TBXAS1: variants seen among roughly 807,000 people sequenced by gnomAD.
TBXAS1 encodes thromboxane A synthase 1, also known as thromboxane-A synthase.
In TBXAS1, 48 loss-of-function variants were observed where a neutral mutation model predicts 60.7. That is an observed-to-expected ratio of 0.79 (90% CI 0.63 to 1.01). TBXAS1 has a LOEUF of 1.01. Among genes scored for constraint, TBXAS1 ranks in the 50% least tolerant of loss-of-function variants. The pLI, the probability that TBXAS1 is intolerant of heterozygous loss-of-function variation, is 0.00. For synonymous variants in TBXAS1, 287 were observed against 269.7 expected, an observed-to-expected ratio of 1.06 and a Z score of -0.63; for missense variants, 685 against 686.3, an observed-to-expected ratio of 1.00 and a Z score of 0.02.
At chr7:139,929,809 C>T (rs1309583447) in intron 4 of TBXAS1, among the ~76,000 whole-genome samples, 2 of 152,152 alleles carry the variant, frequency 1.3e-5, no homozygotes, top group Non-Finnish European at 2.9e-5. Flanking sequence ...GCTCCCTGGC[C>T]TGAGCCTCCA....
At chr7:139,861,778 C>A (rs1800985326) in intron 1 of TBXAS1, among the ~76,000 whole-genome samples, 1 of 152,162 alleles carries the variant, frequency 6.6e-6, no homozygotes, top group Non-Finnish European at 1.5e-5. Flanking sequence ...TTTTATGGAG[C>A]AAATTGTCCA....
At position 139,961,968 on chromosome 7, in the gene TBXAS1, G is replaced by A; in HGVS notation, c.869G>A (p.Ser290Asn). The change falls in exon 9 of 13, where the codon AGT becomes AAT. Residue 290 changes from serine (S) to asparagine (N), a missense_variant. Transcript: ENST00000448866. The stretch of plus-strand genomic sequence containing the variant: ...GTCCTGGATGCCCGACATTCTGCAA[G>A]TCCCATGGGCGTGCAAGACTTTGAC... ...QMVLDARHSA[S>N]PMGVQDFDIV... is the part of the protein sequence containing the mutation. 1 of 1,614,254 alleles carries A rather than the reference G, an allele frequency of 6.2e-7. No individual in the cohort carries two copies. The highest frequency in any genetic ancestry group is 8.5e-7 in the Non-Finnish European group (1 of 1,180,044).
chr7:140,015,624 C>G, intron 10 of TBXAS1, 99 bp from the exon 11 acceptor site: 1 of 1,390,070 alleles, frequency 7.2e-7, no homozygotes, highest in Non-Finnish European at 1.0e-6. Context: ...CTGCCTGCCC[C>G]TGATCCCCTT....
At chr7:139,941,851 T>G (rs1808316144) in intron 5 of TBXAS1, among the ~76,000 whole-genome samples, 1 of 152,244 alleles carries the variant, frequency 6.6e-6, no homozygotes, top group Admixed American at 6.5e-5. Context: ...AAACTGGGGC[T>G]AAATTAGTAC....
chr7:139,922,786 C>G (rs1806581107), intron 4 of TBXAS1, among the ~76,000 whole-genome samples: 1 of 152,140 alleles, frequency 6.6e-6, no homozygotes, highest in Non-Finnish European at 1.5e-5. Context: ...CTCCAGTTAA[C>G]TTTTGTGTAT....
At chr7:139,832,391 A>G (rs1798765989) in intron 1 of TBXAS1, among the ~76,000 whole-genome samples, 1 of 146,558 alleles carries the variant, frequency 6.8e-6, no homozygotes, top group Admixed American at 6.8e-5. Context: ...CTTTGAATTA[A>G]CTGAATCCAA....
At chr7:139,997,871 CAGA>C (rs1813402027) in intron 9 of TBXAS1, among the ~76,000 whole-genome samples, 2 of 152,198 alleles carry the variant, frequency 1.3e-5, no homozygotes, top group Non-Finnish European at 2.9e-5. Flanking sequence ...GTGCCATGCC[CAGA>C]TGTACACCCA....
chr7:139,800,970 T>C (rs1036881225), intron 4 of TBXAS1, among the ~76,000 whole-genome samples: 2 of 152,238 alleles, frequency 1.3e-5, no homozygotes, highest in African/African-American at 4.8e-5. Context: ...CTTCCCTGTA[T>C]TCAGTGTCTC....
intron 5 of TBXAS1, among the ~76,000 whole-genome samples, chr7:139,951,771 T>TAA (rs1274181886): frequency 1.8e-4 from 14 of 78,892 alleles, no homozygotes; most frequent in African/African-American, 7.4e-4. Flanking sequence ...AGACTCTGTC[T>TAA]AAAAAAAAAA....
At chr7:139,820,236 T>G (rs946771053) in intron 4 of TBXAS1, among the ~76,000 whole-genome samples, 1 of 152,032 alleles carries the variant, frequency 6.6e-6, no homozygotes, top group Non-Finnish European at 1.5e-5. Context: ...GTCATCAACA[T>G]GTAGCCGCAT....
chr7:139,821,273 C>T (rs59146057), intron 4 of TBXAS1, among the ~76,000 whole-genome samples: 14,299 of 152,070 alleles, frequency 0.094, 916 homozygotes, highest in Non-Finnish European at 0.14. Context: ...TTAGATTTTT[C>T]GAGTCTGTAG....
chr7:139,829,018 G>T (rs528331547), upstream of TBXAS1: 1 of 372,226 alleles, frequency 2.7e-6, no homozygotes, highest in Admixed American at 3.7e-5. Flanking sequence ...TTTTGGAGAA[G>T]AGTCTCTCTT....
intron 4 of TBXAS1, among the ~76,000 whole-genome samples, chr7:139,806,005 G>A (rs937027950): frequency 6.9e-6 from 1 of 145,892 alleles, no homozygotes; most frequent in Non-Finnish European, 1.5e-5. Flanking sequence ...CGCTCTCTTG[G>A]CTCACTGCAA....
In TBXAS1 at chr7:139,788,816, C is replaced by T. The variant is rs192601642; in HGVS notation, c.-80+1390C>T. On this transcript the variant is annotated intron_variant, in intron 4 of 16. Coordinates refer to the TBXAS1 transcript ENST00000336425. ...GCCAGGTGTTAGACAACAGTTAATA[C>T]AAAATATGTTTAGACAAATAGATCG... 2.2e-3 allele frequency among the ~76,000 whole-genome samples: 342 copies of T among 152,330 alleles called. 4 individuals carry two copies. Among genetic ancestry groups the T allele is most frequent in the African/African-American group, 7.8e-3 (324 of 41,576 alleles).
At chr7:139,805,925 A>G (rs1797861582) in intron 4 of TBXAS1, among the ~76,000 whole-genome samples, 1 of 142,208 alleles carries the variant, frequency 7.0e-6, no homozygotes, top group Non-Finnish European at 1.5e-5. Flanking sequence ...ATGCTTAGCA[A>G]ATTTTTGCTT....
chr7:139,957,514 G>C, intron 7 of TBXAS1, 120 bp from the exon 8 acceptor site: 1 of 1,326,774 alleles, frequency 7.5e-7, no homozygotes. Flanking sequence ...CGGCGGGGAG[G>C]GCAGGACTCC....
At chr7:139,992,354 C>T (rs183049965) in intron 9 of TBXAS1, among the ~76,000 whole-genome samples, 93 of 152,332 alleles carry the variant, frequency 6.1e-4, no homozygotes, top group Non-Finnish European at 9.4e-4. Flanking sequence ...AAAAAACCTC[C>T]CTCCTCAAGA....
intron 1 of TBXAS1, among the ~76,000 whole-genome samples, chr7:139,865,585 AAGGAGG>A (rs1267186805): frequency 9.6e-4 from 49 of 51,190 alleles, no homozygotes; most frequent in African/African-American, 3.8e-3. Flanking sequence ...GAGGAAGAAG[AAGGAGG>A]AGGAGGAGGA....
At chr7:139,901,782 T>C (rs1297277595) in intron 3 of TBXAS1, among the ~76,000 whole-genome samples, 1 of 151,982 alleles carries the variant, frequency 6.6e-6, no homozygotes, top group African/African-American at 2.4e-5. Flanking sequence ...TAGGACAGCA[T>C]TTCTCAGAGT....
Sources: allele counts gnomAD v4.1 joint callset (sites outside exome capture counted in the v4.1 genomes callset), GRCh38; gene constraint gnomAD v4.1.1; transcripts MANE v1.5; gene names NCBI Gene and HGNC (gene_info 2026-07-23, HGNC 2026-07-21).